The following PCNT variants were observed in gnomAD, a reference collection of about 807,000 sequenced individuals.
PCNT encodes the protein kendrin.
Under a neutral mutation model 380.4 loss-of-function variants are expected in PCNT, and 319 were observed. That is an observed-to-expected ratio of 0.84 (90% CI 0.77 to 0.92). PCNT has a LOEUF of 0.92. Among genes scored for constraint, PCNT ranks in the 40% least tolerant of loss-of-function variants. The probability of loss-of-function intolerance (pLI) is 0.00; values close to 1 mark genes in which losing one functional copy is unlikely to be tolerated. For synonymous variants in PCNT, 1,845 were observed against 1,735.2 expected (o/e 1.06, Z -1.57); for missense variants, 4,400 against 4,255.3 (o/e 1.03, Z -0.95).
chr21:46,345,647 G>C (rs2084040961), intron 3 of PCNT, among the ~76,000 whole-genome samples: 2 of 152,138 alleles, frequency 1.3e-5, no homozygotes, highest in African/African-American at 4.8e-5. Flanking sequence ...GTGGCACTTA[G>C]TACACTCACA....
At chr21:46,443,781 C>A in intron 44 of PCNT, 29 bp from the exon 45 acceptor site, 1 of 1,612,176 alleles carries the variant, frequency 6.2e-7, no homozygotes, top group South Asian at 1.1e-5. Context: ...TTTTCCTAAT[C>A]CCTTGGTTGT....
chr21:46,359,480 G>GTTGTTTTTTTTTTTTTT (rs2084609442), intron 13 of PCNT, among the ~76,000 whole-genome samples: 6 of 65,732 alleles, frequency 9.1e-5, no homozygotes, highest in Non-Finnish European at 1.7e-4. Flanking sequence ...AAATACACCT[G>GTTGTTTTTTTTTTTTTT]TTTTTTTTTT....
Position 46,388,676 on chromosome 21 carries a change from A to G in PCNT, c.3465-66A>G, listed in dbSNP as rs1327018013. On this transcript the variant is annotated intron_variant, in intron 17 of 46. Coordinates refer to ENST00000359568, the MANE Select transcript of PCNT (RefSeq NM_006031.6). This position sits in a 1 kb window ranked among gnomAD's most constrained non-coding sequence, Gnocchi z 4.2. ...GCAAACTGGTGGGCGGCCCCTCAGC[A>G]GCATCCAGGGTGGGGGTTCTTATGC... The G allele has an allele frequency of 1.7e-5, 27 of 1,599,496 alleles. No individual in the cohort carries two copies. The highest frequency in any genetic ancestry group is 2.0e-5 in the Non-Finnish European group (24 of 1,173,104).
intron 32 of PCNT, among the ~76,000 whole-genome samples, chr21:46,424,721 C>CA: frequency 6.8e-6 from 1 of 146,640 alleles, no homozygotes; most frequent in Admixed American, 6.8e-5. Context: ...TGCGCCCCCC[C>CA]CAACCCTGCT....
chr21:46,422,071 C>T lies in PCNT; in HGVS notation c.7126C>T (p.Gln2376Ter), dbSNP rs1555993038. The change falls in exon 32 of 47, where the codon CAG (glutamine) becomes TAG (stop). Residue 2376 changes from glutamine (Q) to a stop codon, truncating the protein, a stop_gained. Transcript: ENST00000359568. LOFTEE classifies it high-confidence loss of function. ...VTPASISGRF[Q>*]PLPEAMKEKE... ...CCCTGCTTCCATCTCTGGAAGGTTTCAGCCGCTGCCGGAAGCCATGAAGGA... is the reference window on the plus strand; with the variant it reads ...CCCTGCTTCCATCTCTGGAAGGTTTTAGCCGCTGCCGGAAGCCATGAAGGA... The T allele has an allele frequency of 6.2e-7, 1 of 1,613,948 alleles. No homozygotes were observed. The highest frequency in any genetic ancestry group is 8.5e-7 in the Non-Finnish European group (1 of 1,180,024).
At chr21:46,390,533 C>G (rs2085996367) in intron 19 of PCNT, 137 bp from the exon 20 acceptor site, 6 of 871,960 alleles carry the variant, frequency 6.9e-6, no homozygotes, top group South Asian at 4.0e-5. Context: ...GTGCTCAGGT[C>G]CCGTCACCCT....
intron 29 of PCNT, among the ~76,000 whole-genome samples, chr21:46,413,726 C>T (rs2839244): frequency 0.18 from 27,027 of 152,208 alleles, 4,442 homozygotes; most frequent in African/African-American, 0.44. Flanking sequence ...TTTGAAAGGC[C>T]TCAGATTTAT....
At chr21:46,374,290 C>T (rs2085260200) in intron 15 of PCNT, among the ~76,000 whole-genome samples, 1 of 152,092 alleles carries the variant, frequency 6.6e-6, no homozygotes, top group African/African-American at 2.4e-5. Flanking sequence ...GAGGTGTTTT[C>T]CCCCAATACA....
intron 15 of PCNT, among the ~76,000 whole-genome samples, chr21:46,379,195 G>A (rs1478053835): frequency 6.6e-6 from 1 of 152,168 alleles, no homozygotes; most frequent in Non-Finnish European, 1.5e-5. Context: ...TTCCTTCAGT[G>A]CTGCGTGGGC....
chr21:46,379,309 G>A (rs889666549), intron 15 of PCNT, among the ~76,000 whole-genome samples: 4 of 151,854 alleles, frequency 2.6e-5, no homozygotes, highest in Non-Finnish European at 4.4e-5. Flanking sequence ...GCCGCGTGTC[G>A]TGAGCCGCAC....
At chr21:46,384,530 T>C (rs768911900) in intron 16 of PCNT, among the ~76,000 whole-genome samples, 2 of 145,644 alleles carry the variant, frequency 1.4e-5, no homozygotes, top group Non-Finnish European at 3.0e-5. Flanking sequence ...ATTCACGGTG[T>C]TGTGCGTTCA....
Position 46,440,209 on chromosome 21 carries a change from A to G in PCNT, c.9393+7A>G. 6.2e-7 allele frequency: 1 copy of G among 1,613,928 alleles called. No individual in the cohort carries two copies. The highest frequency in any genetic ancestry group is 8.5e-7 in the Non-Finnish European group (1 of 1,180,010). On this transcript the variant is annotated splice_region_variant and intron_variant, in intron 42 of 46. Coordinates refer to ENST00000359568, the MANE Select transcript of PCNT (RefSeq NM_006031.6). ...ACACACCAGCAATGTCAAGGTAGGAACGGTGCCACGAGTATAGAACTTTGG... is the reference window on the plus strand; with the variant it reads ...ACACACCAGCAATGTCAAGGTAGGAGCGGTGCCACGAGTATAGAACTTTGG...
chr21:46,411,505 G>A lies in PCNT; in HGVS notation c.5432G>A (p.Arg1811His), dbSNP rs769452431. The change falls in exon 28 of 47, where the codon CGC (arginine) becomes CAC (histidine). Residue 1811 changes from arginine (R) to histidine (H), a missense_variant. Physicochemically the swap from Arg to His is conservative, Grantham distance 29 (BLOSUM62 0). Coordinates refer to ENST00000359568, the MANE Select transcript of PCNT (RefSeq NM_006031.6). Reference sequence around the variant, plus strand: ...AGCCGGCTGCTGGCTGACCAGGAGCGCAGGCACAGCCAGGCCCTGGAGGCC... The same window carrying A: ...AGCCGGCTGCTGGCTGACCAGGAGCACAGGCACAGCCAGGCCCTGGAGGCC... ...ALSRLLADQERRHSQALEALQ... is the reference protein window; with the variant it reads ...ALSRLLADQEHRHSQALEALQ... 22 of 1,609,144 alleles carry A rather than the reference G, an allele frequency of 1.4e-5. No homozygotes were observed. The highest frequency in any genetic ancestry group is 4.4e-5 in the South Asian group (4 of 90,918).
At chr21:46,391,549 T>C (rs2086034538) in intron 21 of PCNT, among the ~76,000 whole-genome samples, 173 bp downstream of exon 21, 1 of 152,306 alleles carries the variant, frequency 6.6e-6, no homozygotes, top group Admixed American at 6.5e-5. Flanking sequence ...AGGTGAGGCA[T>C]CCACTGGCTT....
At chr21:46,406,004 A>G (rs2086610632) in intron 27 of PCNT, among the ~76,000 whole-genome samples, 1 of 152,196 alleles carries the variant, frequency 6.6e-6, no homozygotes, top group Non-Finnish European at 1.5e-5. Flanking sequence ...TATAATAAAG[A>G]AAAGTAAAAT....
chr21:46,389,060 A>C (rs189525246), intron 18 of PCNT, 139 bp from the exon 19 acceptor site: 1 of 1,273,652 alleles, frequency 7.9e-7, no homozygotes, highest in African/African-American at 1.5e-5. Context: ...TAAATTTGTC[A>C]GCTCCCGTGG....
In PCNT at chr21:46,388,645, A is replaced by G; in HGVS notation, c.3465-97A>G. On this transcript the variant is annotated intron_variant, in intron 17 of 46. Transcript: ENST00000359568. This position sits in a 1 kb window ranked among gnomAD's most constrained non-coding sequence, Gnocchi z 4.2. ...CGTGGGGACAGGCAGCCGTGGGCCG[A>G]GGTGTGCAAACTGGTGGGCGGCCCC... The G allele has an allele frequency of 5.4e-6, 8 of 1,477,448 alleles. No homozygotes were observed. Among genetic ancestry groups the G allele is most frequent in the Non-Finnish European group, 4.7e-6 (5 of 1,067,946 alleles). The allele number at this position is 1,477,448 out of a possible 1,614,324, so 91.5% of individuals were successfully genotyped here. A position where few individuals can be genotyped will look rare whatever the true frequency, so the allele number is the denominator to read the frequency against.
chr21:46,367,090 G>A lies in PCNT; in HGVS notation c.3116G>A (p.Ser1039Asn). 1.2e-6 allele frequency: 2 copies of A among 1,613,726 alleles called. No homozygotes were observed. The highest frequency in any genetic ancestry group is 1.7e-6 in the Non-Finnish European group (2 of 1,180,022). ...CGGGACCACCTGCGAACCGAAGTGA[G>A]CACAGAGCTCGCCGGAACCGTGGCT... Reference protein sequence around the residue: ...SVRDHLRTEVSTELAGTVAHE... With the variant: ...SVRDHLRTEVNTELAGTVAHE... Residue 1039 changes from serine (S) to asparagine (N), a missense_variant, in exon 15 of 47, where the codon AGC becomes AAC. Physicochemically the swap from Ser to Asn is conservative, Grantham distance 46. Coordinates refer to ENST00000359568, the MANE Select transcript of PCNT (RefSeq NM_006031.6).
Position 46,425,152 on chromosome 21 carries a change from G to A in PCNT, c.7180-679G>A, listed in dbSNP as rs1027291074. On this transcript the variant is annotated intron_variant, in intron 32 of 46. Coordinates refer to ENST00000359568, the MANE Select transcript of PCNT (RefSeq NM_006031.6). The surrounding 1 kb of genome is among the most constrained non-coding windows in gnomAD (Gnocchi z 4.2). ...CTGGGCTCTGGGCTCTAGGCTGGTC[G>A]TGACACCAGCTTCTCCATAGGGCCG... Among the ~76,000 whole-genome samples, 2 of 152,164 alleles carry A rather than the reference G, an allele frequency of 1.3e-5. No homozygotes were observed. The highest frequency in any genetic ancestry group is 2.9e-5 in the Non-Finnish European group (2 of 68,034).
Sources: allele counts gnomAD v4.1 joint callset (sites outside exome capture counted in the v4.1 genomes callset), GRCh38; gene constraint gnomAD v4.1.1; non-coding constraint Gnocchi (gnomAD v3.1); transcripts MANE v1.5; gene names NCBI Gene and HGNC (gene_info 2026-07-23, HGNC 2026-07-21).